Variants in SLC17A5 observed in about 807,000 individuals in gnomAD.
SLC17A5 encodes the protein solute carrier family 17 member 5.
A neutral mutation model predicts 59.4 loss-of-function variants in SLC17A5; 47 were observed. The ratio of observed to expected loss-of-function variants is 0.79; its 90% CI spans 0.63 to 1.01. SLC17A5 has a LOEUF of 1.01. Ranked by LOEUF, SLC17A5 falls within the 50% of genes least tolerant of loss-of-function variation. The probability of loss-of-function intolerance (pLI) is 0.00; values close to 1 mark genes in which losing one functional copy is unlikely to be tolerated. For missense variants in SLC17A5, 522 were observed against 595.5 expected (o/e 0.88, Z 1.28); for synonymous variants, 202 against 210.7 (o/e 0.96, Z 0.36).
intron 6 of SLC17A5, among the ~76,000 whole-genome samples, chr6:73,632,407 T>C (rs1366387003): frequency 6.8e-6 from 1 of 147,576 alleles, no homozygotes; most frequent in Non-Finnish European, 1.5e-5. Context: ...TTTGGAGAGA[T>C]TAAGACACAT....
At chr6:73,629,224 C>G (rs1176358879) in intron 6 of SLC17A5, among the ~76,000 whole-genome samples, 1 of 151,918 alleles carries the variant, frequency 6.6e-6, no homozygotes, top group Non-Finnish European at 1.5e-5. Flanking sequence ...CCTGTCTCTA[C>G]AAAAAATACA....
At chr6:73,620,740 G>A (rs1029138457) in intron 7 of SLC17A5, among the ~76,000 whole-genome samples, 3 of 149,930 alleles carry the variant, frequency 2.0e-5, no homozygotes, top group African/African-American at 7.4e-5. Context: ...TTTTTTTCCT[G>A]GGACAGAGTC....
chr6:73,601,071 C>G (rs1188651574), intron 9 of SLC17A5, among the ~76,000 whole-genome samples: 2 of 148,838 alleles, frequency 1.3e-5, no homozygotes, highest in African/African-American at 5.0e-5. Context: ...CGTCTCTGCC[C>G]GGCCGCCATC....
intron 7 of SLC17A5, among the ~76,000 whole-genome samples, chr6:73,619,041 C>A (rs1001663586): frequency 1.6e-4 from 24 of 152,140 alleles, no homozygotes; most frequent in African/African-American, 5.5e-4. Context: ...TATTAACCAG[C>A]CTAATTTCAA....
intron 9 of SLC17A5, among the ~76,000 whole-genome samples, chr6:73,602,501 G>A (rs566431317): frequency 1.1e-4 from 17 of 152,252 alleles, no homozygotes; most frequent in East Asian, 3.9e-4. Context: ...AAGGCTGGGC[G>A]CGGTGGCTCA....
chr6:73,646,290 T>G (rs1384406677), intron 1 of SLC17A5, among the ~76,000 whole-genome samples: 1 of 152,218 alleles, frequency 6.6e-6, no homozygotes, highest in Non-Finnish European at 1.5e-5. Context: ...TGATTTAGAC[T>G]GAAACATTAA....
chr6:73,635,438 G>GT lies in SLC17A5; in HGVS notation c.762dup (p.His255ThrfsTer8). The GT allele has an allele frequency of 1.2e-6, 2 of 1,609,596 alleles. No individual in the cohort carries two copies. Among genetic ancestry groups the GT allele is most frequent in the Non-Finnish European group, 1.7e-6 (2 of 1,177,300 alleles). ...TTTTCATAATGGGAAATTCTCTTGT[G>GT]TTTTTGTGGTGTGTCACTAACTAAC... On this transcript the variant is annotated frameshift_variant, in exon 6 of 11. Coordinates refer to ENST00000355773, the MANE Select transcript of SLC17A5 (RefSeq NM_012434.5). LOFTEE classifies it high-confidence loss of function.
intron 9 of SLC17A5, 110 bp from the exon 10 acceptor site, chr6:73,600,551 C>T: frequency 2.3e-6 from 2 of 872,440 alleles, no homozygotes; most frequent in Non-Finnish European, 1.8e-6. Context: ...CTCTGTGGCC[C>T]AGGCTTGAGG....
chr6:73,610,359 A>G, intron 9 of SLC17A5, 41 bp downstream of exon 9: 1 of 1,608,306 alleles, frequency 6.2e-7, no homozygotes, highest in Non-Finnish European at 8.5e-7. Flanking sequence ...TAAAAATATA[A>G]TTTAAAGTCA....
rs369803837 is a variant in SLC17A5, at chr6:73,651,517, G to A, written c.94+2276C>T. ...ATAATTGAGGAAATATGAACACTGA[G>A]TATTTTGTAAGTATTATTATTATTT... On this transcript the variant is annotated intron_variant, in intron 1 of 10. Transcript: ENST00000355773. Among the ~76,000 whole-genome samples the A allele has an allele frequency of 1.1e-4, 16 of 147,938 alleles. No homozygotes were observed. In the East Asian group the frequency reaches 2.0e-3, roughly 18 times the overall value.
intron 10 of SLC17A5, among the ~76,000 whole-genome samples, chr6:73,598,947 G>C (rs1050409414): frequency 6.6e-6 from 1 of 151,694 alleles, no homozygotes; most frequent in East Asian, 1.9e-4. Context: ...TTGCGCCATT[G>C]TACTCCAGCC....
At chr6:73,602,513 G>C (rs929180637) in intron 9 of SLC17A5, among the ~76,000 whole-genome samples, 27 of 152,052 alleles carry the variant, frequency 1.8e-4, no homozygotes, top group African/African-American at 6.3e-4. Flanking sequence ...GGTGGCTCAC[G>C]CTTGTAATCC....
intron 6 of SLC17A5, among the ~76,000 whole-genome samples, 168 bp from the exon 7 acceptor site, chr6:73,622,130 T>C (rs1193344083): frequency 2.0e-5 from 3 of 152,184 alleles, no homozygotes; most frequent in Non-Finnish European, 4.4e-5. Flanking sequence ...AAATACATGA[T>C]AAATATTTAG....
rs1297655298 is a variant in SLC17A5, at chr6:73,638,417, T to G, written c.608A>C (p.Tyr203Ser). The change falls in exon 4 of 11, where the codon TAT (tyrosine) becomes TCT (serine). Residue 203 changes from tyrosine (Y) to serine (S), a missense_variant. Physicochemically the swap from Tyr to Ser is moderately radical, Grantham distance 144. This residue lies in a region of SLC17A5 where 338 missense variants were observed against 363.8 expected (regional missense o/e 0.93). Transcript: ENST00000355773. ...LERSKLLSIS[Y>S]AGAQLGTVIS... is the part of the protein sequence containing the mutation. Reference sequence around the variant, plus strand: ...TTTGGTAATTGTTATCTCACCTGCATATGAAATGCTAAGAAGTTTGCTTCT... The same window carrying G: ...TTTGGTAATTGTTATCTCACCTGCAGATGAAATGCTAAGAAGTTTGCTTCT... The G allele has an allele frequency of 6.2e-7, 1 of 1,612,740 alleles. No individual in the cohort carries two copies. Among genetic ancestry groups the G allele is most frequent in the Non-Finnish European group, 8.5e-7 (1 of 1,178,756 alleles).
chr6:73,637,456 T>C (rs940632141), intron 4 of SLC17A5, among the ~76,000 whole-genome samples: 11 of 152,218 alleles, frequency 7.2e-5, no homozygotes, highest in Non-Finnish European at 5.9e-5. Context: ...AATCTCAACA[T>C]AGCTGCAAGA....
intron 9 of SLC17A5, among the ~76,000 whole-genome samples, chr6:73,610,047 T>C (rs1767577355): frequency 1.3e-5 from 2 of 152,132 alleles, no homozygotes; most frequent in South Asian, 2.1e-4. Flanking sequence ...GGTTTTTTTT[T>C]TTTTAGATGG....
intron 9 of SLC17A5, among the ~76,000 whole-genome samples, chr6:73,610,105 C>A (rs1185959795): frequency 1.3e-5 from 2 of 151,922 alleles, no homozygotes; most frequent in Non-Finnish European, 1.5e-5. Flanking sequence ...GCGATCTCAG[C>A]TCACTGCAAC....
At position 73,594,021 on chromosome 6, in the gene SLC17A5, T is replaced by A. The variant is rs938117850; in HGVS notation, c.*1056A>T. 6.6e-6 allele frequency: 1 copy of A among 151,946 alleles called. No homozygotes were observed. Among genetic ancestry groups the A allele is most frequent in the Non-Finnish European group, 1.5e-5 (1 of 67,982 alleles). The allele number at this position is 151,946 out of a possible 1,614,324, so 9.4% of individuals were successfully genotyped here. ...TGGGCATCGCACTTTTCTTTCTTTA[T>A]TCTTTTTTTTTTTTTGAGTTGGAGT... On this transcript the variant is annotated 3_prime_UTR_variant, in exon 11 of 11. Transcript: ENST00000355773.
intron 6 of SLC17A5, among the ~76,000 whole-genome samples, chr6:73,631,852 A>G (rs1768729066): frequency 2.0e-5 from 3 of 151,058 alleles, no homozygotes; most frequent in African/African-American, 7.4e-5. Context: ...TTAAGTCCTC[A>G]GCTGACAAAG....
Sources: gnomAD v4.1 joint callset for allele counts (sites outside exome capture counted in the v4.1 genomes callset) on GRCh38, gnomAD v4.1.1 for gene constraint, gnomAD v4.1.1 regional missense constraint, MANE v1.5 for transcripts, NCBI Gene and HGNC (gene_info 2026-07-23, HGNC 2026-07-21) for gene names.